The following SGSM3 variants were observed in gnomAD, a reference collection of about 807,000 sequenced individuals.
SGSM3 encodes the protein small G protein signaling modulator 3, also known as RUN and SH3 containing 3.
A neutral mutation model predicts 100.5 loss-of-function variants in SGSM3; 96 were observed. The observed-to-expected ratio is 0.96, with a 90% CI of 0.81 to 1.13. The LOEUF (loss-of-function observed/expected upper bound fraction) is 1.13. Ranked by LOEUF, SGSM3 falls within the 50% of genes most tolerant of loss-of-function variation. The pLI, the probability that SGSM3 is intolerant of heterozygous loss-of-function variation, is 0.00. For synonymous variants in SGSM3, 483 were observed against 422.8 expected (o/e 1.14, Z -1.75); for missense variants, 1,001 against 1,015.8 (o/e 0.99, Z 0.20).
chr22:40,402,539 A>G (rs2050890552), intron 4 of SGSM3, among the ~76,000 whole-genome samples: 1 of 152,204 alleles, frequency 6.6e-6, no homozygotes, highest in Non-Finnish European at 1.5e-5. Context: ...CAAGAGTTCA[A>G]GACCAACCTA....
At chr22:40,382,134 G>A (rs993609827) in intron 1 of SGSM3, among the ~76,000 whole-genome samples, 1 of 152,122 alleles carries the variant, frequency 6.6e-6, no homozygotes, top group Non-Finnish European at 1.5e-5. Context: ...TGCCTGCCAT[G>A]TGAGGTCAGG....
At chr22:40,386,031 T>G (rs527612942) in intron 1 of SGSM3, among the ~76,000 whole-genome samples, 5 of 151,684 alleles carry the variant, frequency 3.3e-5, no homozygotes, top group South Asian at 2.1e-4. Context: ...TTTTGTTTTT[T>G]TTTTTGTTTT....
At chr22:40,406,298 G>A in intron 9 of SGSM3, 75 bp downstream of exon 9, 1 of 1,585,650 alleles carries the variant, frequency 6.3e-7, no homozygotes, top group Non-Finnish European at 8.6e-7. Flanking sequence ...GACCTCCCTG[G>A]GCCAGGCAAG....
Position 40,408,078 on chromosome 22 carries a change from TC to T in SGSM3, c.1589del (p.Pro530GlnfsTer23). 1 of 1,600,700 alleles carries T rather than the reference TC, an allele frequency of 6.2e-7. No individual in the cohort carries two copies. The highest frequency in any genetic ancestry group is 8.5e-7 in the Non-Finnish European group (1 of 1,173,250). On this transcript the variant is annotated frameshift_variant, in exon 15 of 22. Coordinates refer to ENST00000248929, the MANE Select transcript of SGSM3 (RefSeq NM_015705.6). LOFTEE classifies it high-confidence loss of function. ...GELNGLRGWF[P>X]AKFVEVLDER... ...GGCCTGTTTTTCCCACAGGCTGGTT[TC>T]CAGCCAAGTTCGTGGAAGTCCTGGA...
chr22:40,373,865 A>G (rs1289866113), intron 1 of SGSM3, among the ~76,000 whole-genome samples: 2 of 151,442 alleles, frequency 1.3e-5, no homozygotes, highest in Non-Finnish European at 3.0e-5. Context: ...CCGCCCTCCT[A>G]GGCCTTCCAA....
intron 1 of SGSM3, among the ~76,000 whole-genome samples, chr22:40,395,978 G>A (rs1485570099): frequency 1.3e-5 from 2 of 152,194 alleles, no homozygotes; most frequent in Non-Finnish European, 2.9e-5. Flanking sequence ...GTACATTTTA[G>A]AGGTGTGCTG....
rs1220123346 is a variant in SGSM3 at position 40,405,365 on chromosome 22, G to C, written c.618+81G>C. On this transcript the variant is annotated intron_variant, in intron 7 of 21. Transcript: ENST00000248929. ...AACAAGGAGTGGCCTCCCGCTACGG[G>C]GCAGTAGCCCCAGGGCCTCCTCCAG... The C allele has an allele frequency of 4.5e-6, 6 of 1,321,702 alleles. No individual in the cohort carries two copies. The African/African-American group carries it at 9.0e-5, about 20-fold the overall frequency. The allele number at this position is 1,321,702 out of a possible 1,614,324, so 81.9% of individuals were successfully genotyped here.
chr22:40,404,024 G>T lies in SGSM3; in HGVS notation c.158-223G>T, dbSNP rs138702812. Reference sequence around the variant, plus strand: ...GGATCCGGGTAGTACTATGGTAGGAGTGGCTTTGAGGAGAAGGTGAAGAGC... The same window carrying T: ...GGATCCGGGTAGTACTATGGTAGGATTGGCTTTGAGGAGAAGGTGAAGAGC... On this transcript the variant is annotated intron_variant, in intron 4 of 21. Coordinates refer to ENST00000248929, the MANE Select transcript of SGSM3 (RefSeq NM_015705.6). 2.5e-5 allele frequency: 10 copies of T among 405,800 alleles called. No individual in the cohort carries two copies. In the East Asian group the frequency reaches 3.6e-4, roughly 15 times the overall value. 25.1% of individuals were successfully genotyped at this position (405,800 alleles called of 1,614,324 possible).
At position 40,397,669 on chromosome 22, in the gene SGSM3, T is replaced by C. The variant is rs1427288898; in HGVS notation, c.-111-3027T>C. ...CATTCAGGCTGTTTCCTCCCACTCT[T>C]TCCTTCTCATTCCCCAGCCCCTCCA... On this transcript the variant is annotated intron_variant, in intron 1 of 21. Coordinates refer to ENST00000248929, the MANE Select transcript of SGSM3 (RefSeq NM_015705.6). Among the ~76,000 whole-genome samples the C allele has an allele frequency of 2.0e-5, 3 of 152,160 alleles. No individual in the cohort carries two copies. In the East Asian group the frequency reaches 5.8e-4, roughly 29 times the overall value.
At position 40,409,330 on chromosome 22, in the gene SGSM3, T is replaced by C. The variant is rs1378000561; in HGVS notation, c.2069T>C (p.Phe690Ser). The change falls in exon 20 of 22, where the codon TTC (phenylalanine) becomes TCC (serine). Residue 690 changes from phenylalanine to serine, a missense_variant. Physicochemically the swap from Phe to Ser is radical, Grantham distance 155. Coordinates refer to ENST00000248929, the MANE Select transcript of SGSM3 (RefSeq NM_015705.6). The stretch of plus-strand genomic sequence containing the variant: ...GAGAAGTGGTACCAGCCCTGGTCCT[T>C]CCTGCGCAGCCCGGGCTGGGTCCAG... ...TVEKWYQPWS[F>S]LRSPGWVQIK... 1 of 1,613,004 alleles carries C rather than the reference T, an allele frequency of 6.2e-7. No homozygotes were observed. Among genetic ancestry groups the C allele is most frequent in the Non-Finnish European group, 8.5e-7 (1 of 1,179,702 alleles).
intron 1 of SGSM3, among the ~76,000 whole-genome samples, chr22:40,389,483 CAGCTA>C (rs1473306026): frequency 6.6e-6 from 1 of 151,264 alleles, no homozygotes; most frequent in Non-Finnish European, 1.5e-5. Flanking sequence ...CCTGTAGTCC[CAGCTA>C]CTCCGGAGGC....
Position 40,407,642 on chromosome 22 carries a change from C to T in SGSM3, c.1524+74C>T. ...CCAGACTCCCTCCACCAAGCCCCAC[C>T]CCAACCCCTTTCCCTGCCAAGAGCT... On this transcript the variant is annotated intron_variant, in intron 13 of 21. Coordinates refer to ENST00000248929, the MANE Select transcript of SGSM3 (RefSeq NM_015705.6). The surrounding 1 kb of genome is among the most constrained non-coding windows in gnomAD (Gnocchi z 4.7). The T allele has an allele frequency of 6.3e-7, 1 of 1,580,684 alleles. No homozygotes were observed. The highest frequency in any genetic ancestry group is 1.3e-5 in the African/African-American group (1 of 74,598).
In SGSM3 at chr22:40,409,503, G is replaced by A; in HGVS notation, c.2150G>A (p.Trp717Ter). The change falls in exon 21 of 22, where the codon TGG becomes TAG. Residue 717 changes from tryptophan to a stop codon, truncating the protein, a stop_gained. Coordinates refer to ENST00000248929, the MANE Select transcript of SGSM3 (RefSeq NM_015705.6). LOFTEE classifies it high-confidence loss of function. ...CCFAFSLSQD[W>*]ELPAKREAQQ... ...TTTGCCTTCAGCCTCTCCCAGGACT[G>A]GGAGCTCCCTGCGAAGAGAGAGGTG... is the stretch of plus-strand genomic sequence containing the variant. The A allele has an allele frequency of 6.3e-7, 1 of 1,595,482 alleles. No homozygotes were observed. Among genetic ancestry groups the A allele is most frequent in the Non-Finnish European group, 8.5e-7 (1 of 1,170,632 alleles).
chr22:40,409,372 G>T lies in SGSM3; in HGVS notation c.2111G>T (p.Arg704Leu). 1.3e-6 allele frequency: 2 copies of T among 1,598,520 alleles called. No individual in the cohort carries two copies. Among genetic ancestry groups the T allele is most frequent in the Non-Finnish European group, 8.5e-7 (1 of 1,171,842 alleles). Residue 704 changes from arginine (R) to leucine (L), a missense_variant and splice_region_variant, in exon 20 of 22, where the codon CGA becomes CTA. Physicochemically the swap from Arg to Leu is moderately radical, Grantham distance 102. Transcript: ENST00000248929. ...PGWVQIKCEL[R>L]VLCCFAFSLS... Reference sequence around the variant, plus strand: ...TGGGTCCAGATCAAGTGTGAGCTCCGGTGAGGACCTTACTGGGCTTGGGGG... The same window carrying T: ...TGGGTCCAGATCAAGTGTGAGCTCCTGTGAGGACCTTACTGGGCTTGGGGG...
In SGSM3 at chr22:40,407,196, C is replaced by T. The variant is rs767674740; in HGVS notation, c.1241-5C>T. The stretch of plus-strand genomic sequence containing the variant: ...GTGGTCACCATGGTTCTCTGGGCCT[C>T]CTAGGGGAGGATGACCTGGAGGCAC... On this transcript the variant is annotated splice_region_variant and splice_polypyrimidine_tract_variant and intron_variant, in intron 11 of 21. Coordinates refer to ENST00000248929, the MANE Select transcript of SGSM3 (RefSeq NM_015705.6). This position sits in a 1 kb window ranked among gnomAD's most constrained non-coding sequence, Gnocchi z 4.7. 6.2e-7 allele frequency: 1 copy of T among 1,613,518 alleles called. No homozygotes were observed. Among genetic ancestry groups the T allele is most frequent in the Non-Finnish European group, 8.5e-7 (1 of 1,179,914 alleles).
At chr22:40,400,651 AT>A in intron 1 of SGSM3, 44 bp from the exon 2 acceptor site, 2 of 785,750 alleles carry the variant, frequency 2.5e-6, no homozygotes, top group South Asian at 1.6e-5. Context: ...CTAAAAAAAA[AT>A]AAAAATAAAA....
rs1602107532 is a variant in SGSM3 at position 40,407,136 on chromosome 22, C to T, written c.1240+65C>T. The T allele has an allele frequency of 7.4e-6, 12 of 1,611,746 alleles. No homozygotes were observed. The highest frequency in any genetic ancestry group is 1.7e-5 in the Admixed American group (1 of 59,704). On this transcript the variant is annotated intron_variant, in intron 11 of 21. Transcript: ENST00000248929. This position sits in a 1 kb window ranked among gnomAD's most constrained non-coding sequence, Gnocchi z 4.7. ...GAGTCTGTCCTCACGCTCATGTGGACGTGGAGCTTCCTCCTCGGGGGCCTG... is the reference window on the plus strand; with the variant it reads ...GAGTCTGTCCTCACGCTCATGTGGATGTGGAGCTTCCTCCTCGGGGGCCTG...
At chr22:40,379,984 T>C (rs1198145382) in intron 1 of SGSM3, among the ~76,000 whole-genome samples, 1 of 152,178 alleles carries the variant, frequency 6.6e-6, no homozygotes, top group Non-Finnish European at 1.5e-5. Flanking sequence ...GTGCTGGGAT[T>C]ATAGGTGTGA....
chr22:40,408,516 CAGAG>C, intron 16 of SGSM3, 87 bp downstream of exon 16: 1 of 1,591,098 alleles, frequency 6.3e-7, no homozygotes, highest in Non-Finnish European at 8.6e-7. Context: ...TCCTGCCCCA[CAGAG>C]AGGATGGGAA....
Sources: allele counts gnomAD v4.1 joint callset (sites outside exome capture counted in the v4.1 genomes callset), GRCh38; gene constraint gnomAD v4.1.1; non-coding constraint Gnocchi (gnomAD v3.1); transcripts MANE v1.5; gene names NCBI Gene and HGNC (gene_info 2026-07-23, HGNC 2026-07-21).